Variants in FARP1 observed in about 807,000 individuals in gnomAD.
The protein encoded by FARP1 is FERM, ARHGEF and pleckstrin domain-containing protein 1.
A neutral mutation model predicts 128.8 loss-of-function variants in FARP1; 52 were observed. The observed-to-expected ratio is 0.40, with a 90% CI of 0.32 to 0.51. The LOEUF (loss-of-function observed/expected upper bound fraction) is 0.51. FARP1 is among the 20% of genes least tolerant of loss of function. The pLI, the probability that FARP1 is intolerant of heterozygous loss-of-function variation, is 0.45. For missense variants in FARP1, 1,333 were observed against 1,367.9 expected, an observed-to-expected ratio of 0.97 and a Z score of 0.40; for synonymous variants, 580 against 551.8, an observed-to-expected ratio of 1.05 and a Z score of -0.72.
intron 2 of FARP1, among the ~76,000 whole-genome samples, chr13:98,310,450 C>T (rs1043254954): frequency 1.3e-5 from 2 of 152,174 alleles, no homozygotes; most frequent in African/African-American, 4.8e-5. Flanking sequence ...CTTCATGTGG[C>T]CCAGAGCACA....
At chr13:98,318,954 T>C (rs868798560) in intron 2 of FARP1, among the ~76,000 whole-genome samples, 1 of 89,276 alleles carries the variant, frequency 1.1e-5, no homozygotes, top group Non-Finnish European at 2.9e-5. Flanking sequence ...TTTCTTGTTT[T>C]TTTTTTTTTT....
chr13:98,162,194 C>T (rs1289116007), intron 1 of FARP1, among the ~76,000 whole-genome samples: 1 of 152,062 alleles, frequency 6.6e-6, no homozygotes, highest in Non-Finnish European at 1.5e-5. Flanking sequence ...AGAACTGTAG[C>T]GGGAATGTTT....
intron 2 of FARP1, chr13:98,244,377 C>T: frequency 1.2e-6 from 1 of 846,686 alleles, no homozygotes; most frequent in Non-Finnish European, 1.8e-6. Context: ...AGGTAATAAA[C>T]ATATCCATCA....
intron 1 of FARP1, among the ~76,000 whole-genome samples, chr13:98,172,042 C>G (rs1452424291): frequency 1.3e-5 from 2 of 152,130 alleles, no homozygotes; most frequent in East Asian, 3.9e-4. Flanking sequence ...CAGCAGTTCT[C>G]TTCTGGATGG....
chr13:98,435,691 T>C lies in FARP1; in HGVS notation c.2259T>C (p.Leu753=), dbSNP rs1289212441. The part of the protein sequence containing the change: ...LKKDLIGIDN[L]VVPGREFIRL... ...AAGATTTGATTGGCATTGACAATCTTGTGGTTCCGGGAAGGGTAAGCAGCA... is the reference window on the plus strand; with the variant it reads ...AAGATTTGATTGGCATTGACAATCTCGTGGTTCCGGGAAGGGTAAGCAGCA... Residue 753 remains leucine (L), a synonymous_variant, in exon 19 of 27, where the codon CTT becomes CTC. Coordinates refer to ENST00000319562, the MANE Select transcript of FARP1 (RefSeq NM_005766.4). 6.2e-7 allele frequency: 1 copy of C among 1,614,112 alleles called. No homozygotes were observed. The highest frequency in any genetic ancestry group is 1.7e-5 in the Admixed American group (1 of 60,026).
intron 2 of FARP1, among the ~76,000 whole-genome samples, chr13:98,243,463 A>G (rs567672032): frequency 6.6e-6 from 1 of 152,010 alleles, no homozygotes; most frequent in Admixed American, 6.6e-5. Context: ...TGGAAGGCTG[A>G]GGGGGGTGGA....
chr13:98,438,252 G>A (rs1300144610), intron 19 of FARP1, among the ~76,000 whole-genome samples: 1 of 152,130 alleles, frequency 6.6e-6, no homozygotes, highest in Non-Finnish European at 1.5e-5. Flanking sequence ...ACTGCTCATT[G>A]AGAAGCAGGG....
At chr13:98,362,523 C>T (rs1888913947) in intron 3 of FARP1, among the ~76,000 whole-genome samples, 1 of 152,220 alleles carries the variant, frequency 6.6e-6, no homozygotes, top group Non-Finnish European at 1.5e-5. Flanking sequence ...CCTTCCTTTA[C>T]TTCACGCCTC....
In FARP1 at chr13:98,373,547, C is replaced by G. The variant is rs1218225640; in HGVS notation, c.399-4274C>G. Among the ~76,000 whole-genome samples the G allele has an allele frequency of 7.8e-3, 1,169 of 149,502 alleles. 16 individuals are homozygous for G. Among genetic ancestry groups the G allele is most frequent in the African/African-American group, 0.024 (974 of 40,130 alleles). On this transcript the variant is annotated intron_variant, in intron 5 of 26. Coordinates refer to ENST00000319562, the MANE Select transcript of FARP1 (RefSeq NM_005766.4). ...ACAGACAGACAGACACACACACACA[C>G]ACACACACACACACACACACACACA...
rs374664131 is a variant in FARP1 at position 98,268,341 on chromosome 13, T to C, written c.171+54928T>C. Reference sequence around the variant, plus strand: ...TGCCGTTGCCTGGAATAAATAGGTTTGCATGTATGGAGGATTCAGCTGAAG... The same window carrying C: ...TGCCGTTGCCTGGAATAAATAGGTTCGCATGTATGGAGGATTCAGCTGAAG... On this transcript the variant is annotated intron_variant, in intron 2 of 26. Coordinates refer to ENST00000319562, the MANE Select transcript of FARP1 (RefSeq NM_005766.4). 1.1e-3 allele frequency among the ~76,000 whole-genome samples: 160 copies of C among 152,214 alleles called. 3 individuals are homozygous for C. In the South Asian group the frequency reaches 0.032, roughly 31 times the overall value.
chr13:98,360,969 G>A (rs373536449), intron 3 of FARP1, among the ~76,000 whole-genome samples: 5 of 152,112 alleles, frequency 3.3e-5, no homozygotes, highest in African/African-American at 7.2e-5. Flanking sequence ...TTAACTCATC[G>A]GTAACTGGTT....
At chr13:98,221,930 T>C (rs760390800) in intron 2 of FARP1, among the ~76,000 whole-genome samples, 23 of 152,244 alleles carry the variant, frequency 1.5e-4, no homozygotes, top group Non-Finnish European at 2.8e-4. Context: ...GGACTGATTT[T>C]AAAAAACTAT....
chr13:98,268,057 T>C (rs1041422002), intron 2 of FARP1, among the ~76,000 whole-genome samples: 15 of 152,210 alleles, frequency 9.9e-5, no homozygotes, highest in Non-Finnish European at 1.5e-4. Context: ...CCAGAACTTT[T>C]TCACGCTGCA....
chr13:98,183,604 C>T (rs1402095120), intron 1 of FARP1, among the ~76,000 whole-genome samples: 2 of 152,166 alleles, frequency 1.3e-5, no homozygotes, highest in Admixed American at 1.3e-4. Flanking sequence ...TGTTATGCAG[C>T]AGCTTCTGTT....
intron 2 of FARP1, among the ~76,000 whole-genome samples, chr13:98,218,642 G>T (rs1233075578): frequency 6.6e-6 from 1 of 152,192 alleles, no homozygotes; most frequent in Admixed American, 6.5e-5. Flanking sequence ...TGTGATGAGA[G>T]TGAAGAAGCA....
intron 16 of FARP1, among the ~76,000 whole-genome samples, chr13:98,421,549 G>C (rs1221987187): frequency 1.3e-5 from 2 of 152,142 alleles, no homozygotes; most frequent in Non-Finnish European, 2.9e-5. Context: ...AAATTCTGGA[G>C]CCAATTATTT....
chr13:98,278,069 G>GTCAAAATCTGGCGATCTGTTATTT (rs1277742853), intron 2 of FARP1, among the ~76,000 whole-genome samples: 1 of 151,456 alleles, frequency 6.6e-6, no homozygotes, highest in Non-Finnish European at 1.5e-5. Context: ...GTTTTAAATG[G>GTCAAAATCTGGCGATCTGTTATTT]AGCTTAAGGG....
At position 98,389,991 on chromosome 13, in the gene FARP1, C is replaced by T. The variant is rs769628377; in HGVS notation, c.890C>T (p.Ala297Val). The T allele has an allele frequency of 3.7e-6, 6 of 1,614,028 alleles. No individual in the cohort carries two copies. In the Admixed American group the frequency reaches 6.7e-5, roughly 18 times the overall value. Residue 297 changes from alanine (A) to valine (V), a missense_variant, in exon 10 of 27, where the codon GCC (alanine) becomes GTC (valine). Coordinates refer to ENST00000319562, the MANE Select transcript of FARP1 (RefSeq NM_005766.4). ...AYQDTLEFLMASRDFCKSFWK... is the reference protein window; with the variant it reads ...AYQDTLEFLMVSRDFCKSFWK... Reference sequence around the variant, plus strand: ...CAGGATACCTTGGAATTCCTGATGGCCAGTCGGGATTTCTGCAAGTCCTTC... The same window carrying T: ...CAGGATACCTTGGAATTCCTGATGGTCAGTCGGGATTTCTGCAAGTCCTTC...
chr13:98,370,367 AG>A (rs1391612407), intron 5 of FARP1, among the ~76,000 whole-genome samples: 1 of 152,104 alleles, frequency 6.6e-6, no homozygotes, highest in African/African-American at 2.4e-5. Context: ...TGTGGATGTT[AG>A]GGGGAGAAGG....
Sources: gnomAD v4.1 joint callset for allele counts (sites outside exome capture counted in the v4.1 genomes callset) on GRCh38, gnomAD v4.1.1 for gene constraint, MANE v1.5 for transcripts, NCBI Gene and HGNC (gene_info 2026-07-23, HGNC 2026-07-21) for gene names.